SYBU: variants seen among roughly 807,000 people sequenced by gnomAD.
SYBU encodes syntabulin.
In SYBU, 21 loss-of-function variants were observed where a neutral mutation model predicts 35.9. The observed-to-expected ratio is 0.58, with a 90% CI of 0.41 to 0.84. SYBU has a LOEUF of 0.84. SYBU is among the 40% of genes least tolerant of loss of function. The pLI, the probability that SYBU is intolerant of heterozygous loss-of-function variation, is 0.00. For missense variants in SYBU, 768 were observed against 848.2 expected (o/e 0.91, Z 1.17); for synonymous variants, 319 against 324.3 (o/e 0.98, Z 0.18).
chr8:109,616,098 G>T (rs1459817106), intron 3 of SYBU, among the ~76,000 whole-genome samples: 1 of 134,318 alleles, frequency 7.4e-6, no homozygotes, highest in Non-Finnish European at 1.5e-5. Context: ...TGCAACCTCC[G>T]CCTCCAGGGT....
chr8:109,586,460 T>TCC (rs1823635411), intron 3 of SYBU: 7 of 328,628 alleles, frequency 2.1e-5, no homozygotes, highest in Non-Finnish European at 3.9e-5. Context: ...TGCACTGTTC[T>TCC]CCCGTATGTG....
intron 3 of SYBU, chr8:109,603,344 G>A: frequency 1.1e-6 from 1 of 951,228 alleles, no homozygotes; most frequent in Non-Finnish European, 1.3e-6. Flanking sequence ...TAAAATGAAT[G>A]AAGCATACTC....
At chr8:109,685,111 CT>C (rs1817491423), upstream of SYBU, among the ~76,000 whole-genome samples, 1 of 152,158 alleles carries the variant, frequency 6.6e-6, no homozygotes, top group Non-Finnish European at 1.5e-5. Context: ...TAATTACCGA[CT>C]GGGTTACTTA....
Position 109,618,971 on chromosome 8 carries a change from G to T in SYBU, c.298C>A (p.Pro100Thr). 1.9e-6 allele frequency: 3 copies of T among 1,614,148 alleles called. No individual in the cohort carries two copies. Among genetic ancestry groups the T allele is most frequent in the African/African-American group, 1.3e-5 (1 of 75,044 alleles). ...VKTPSDAGNS[P>T]IGFCPGSDEG... Reference sequence around the variant, plus strand: ...TCACTTCCAGGGCAAAAGCCAATGGGGCTGTTTCCAGCATCTGAGGGTGTC... The same window carrying T: ...TCACTTCCAGGGCAAAAGCCAATGGTGCTGTTTCCAGCATCTGAGGGTGTC... The change falls in exon 3 of 7, where the codon CCC becomes ACC. Residue 100 changes from proline to threonine, a missense_variant. Pro to Thr is a conservative substitution (Grantham distance 38). Transcript: ENST00000276646.
chr8:109,682,903 G>A (rs567548140), upstream of SYBU, among the ~76,000 whole-genome samples: 12 of 152,352 alleles, frequency 7.9e-5, no homozygotes, highest in African/African-American at 2.2e-4. Context: ...CTAAGGTACA[G>A]CTCTGGACAT....
chr8:109,668,202 G>GAGAGA (rs1177091524), intron 1 of SYBU, among the ~76,000 whole-genome samples: 5 of 150,236 alleles, frequency 3.3e-5, no homozygotes, highest in Non-Finnish European at 7.4e-5. Context: ...GAGAGAGAGA[G>GAGAGA]ACTTTTAATA....
chr8:109,616,408 G>A (rs574849143), intron 3 of SYBU, among the ~76,000 whole-genome samples: 1 of 152,182 alleles, frequency 6.6e-6, no homozygotes, highest in African/African-American at 2.4e-5. Flanking sequence ...ACAGGATTAG[G>A]GAATTGCTCA....
intron 2 of SYBU, among the ~76,000 whole-genome samples, chr8:109,630,679 G>A (rs1183254296): frequency 1.2e-4 from 19 of 152,250 alleles, no homozygotes; most frequent in Non-Finnish European, 2.9e-5. Context: ...TTTCTGAATT[G>A]GAGAAAAATG....
chr8:109,596,562 TTTTA>T (rs573552721), intron 3 of SYBU, among the ~76,000 whole-genome samples: 6 of 152,352 alleles, frequency 3.9e-5, no homozygotes, highest in South Asian at 4.1e-4. Context: ...AGGATTTTTG[TTTTA>T]TTTGTTTTTA....
chr8:109,651,210 G>A (rs946497189), intron 1 of SYBU, among the ~76,000 whole-genome samples: 1 of 152,184 alleles, frequency 6.6e-6, no homozygotes, highest in Non-Finnish European at 1.5e-5. Context: ...AAAGTTGCTG[G>A]TGGGGAATTA....
chr8:109,598,230 C>T (rs571263239), intron 3 of SYBU, among the ~76,000 whole-genome samples: 1 of 152,340 alleles, frequency 6.6e-6, no homozygotes, highest in East Asian at 1.9e-4. Context: ...ATTTGACATA[C>T]AGATACACAC....
At chr8:109,645,626 G>C, upstream of SYBU, 1 of 243,524 alleles carries the variant, frequency 4.1e-6, no homozygotes. Flanking sequence ...TTGTTGTTTC[G>C]TTTTTTGTTT....
chr8:109,653,439 CTG>C (rs978503160), intron 1 of SYBU, among the ~76,000 whole-genome samples: 3 of 152,098 alleles, frequency 2.0e-5, no homozygotes, highest in African/African-American at 7.2e-5. Flanking sequence ...AAGGTCTTCT[CTG>C]TCTCCCATGG....
intron 2 of SYBU, among the ~76,000 whole-genome samples, chr8:109,637,983 A>G (rs1197384390): frequency 1.3e-5 from 2 of 152,176 alleles, no homozygotes; most frequent in African/African-American, 2.4e-5. Flanking sequence ...TTGACCATTT[A>G]AAAAAATTGA....
At chr8:109,585,932 AAAAC>A (rs2129695326) in intron 4 of SYBU, 124 bp downstream of exon 4, 2 of 686,186 alleles carry the variant, frequency 2.9e-6, no homozygotes, top group Non-Finnish European at 4.9e-6. Flanking sequence ...GTAAAAAAAC[AAAAC>A]AAAAAGCCTC....
At chr8:109,595,111 T>C (rs1160683159) in intron 3 of SYBU, among the ~76,000 whole-genome samples, 1 of 152,216 alleles carries the variant, frequency 6.6e-6, no homozygotes, top group Non-Finnish European at 1.5e-5. Flanking sequence ...TTTCTTCTTA[T>C]GATTACCCTC....
rs73319174 is a variant in SYBU at position 109,638,245 on chromosome 8, C to T, written c.229+4483G>A. ...CCTCAACTAAGCAAAGAGGAATGCA[C>T]GGCATGCTGCTAACCATGTCAGGTG... On this transcript the variant is annotated intron_variant, in intron 2 of 6. Transcript: ENST00000276646. 6.6e-3 allele frequency among the ~76,000 whole-genome samples: 1,007 copies of T among 152,286 alleles called. 12 individuals are homozygous for T. Among genetic ancestry groups the T allele is most frequent in the African/African-American group, 0.023 (962 of 41,564 alleles).
chr8:109,607,962 G>A (rs1186394239), intron 3 of SYBU: 1 of 1,535,122 alleles, frequency 6.5e-7, no homozygotes, highest in East Asian at 2.4e-5. Flanking sequence ...TCTGCAAACA[G>A]CCTCCCAGCA....
intron 1 of SYBU, among the ~76,000 whole-genome samples, chr8:109,667,309 G>A (rs1816791720): frequency 6.6e-6 from 1 of 151,802 alleles, no homozygotes; most frequent in Non-Finnish European, 1.5e-5. Context: ...GTAGAGACGG[G>A]GTTTCACAGT....
Sources: gnomAD v4.1 joint callset for allele counts (sites outside exome capture counted in the v4.1 genomes callset) on GRCh38, gnomAD v4.1.1 for gene constraint, MANE v1.5 for transcripts, NCBI Gene and HGNC (gene_info 2026-07-23, HGNC 2026-07-21) for gene names.